The following CNTNAP4 variants were observed in gnomAD, a reference collection of about 807,000 sequenced individuals.
CNTNAP4 encodes the protein contactin associated protein family member 4, also known as contactin-associated protein-like 4.
In CNTNAP4, 98 loss-of-function variants were observed where a neutral mutation model predicts 148.4. That is an observed-to-expected ratio of 0.66 (90% CI 0.56 to 0.78). The LOEUF (loss-of-function observed/expected upper bound fraction) is 0.78. Ranked by LOEUF, CNTNAP4 falls within the 30% of genes least tolerant of loss-of-function variation. The probability of loss-of-function intolerance (pLI) is 0.00; values close to 1 mark genes in which losing one functional copy is unlikely to be tolerated. For missense variants in CNTNAP4, 1,935 were observed against 1,565.6 expected, an observed-to-expected ratio of 1.24 and a Z score of -3.98; for synonymous variants, 730 against 565.1, an observed-to-expected ratio of 1.29 and a Z score of -4.14.
intron 6 of CNTNAP4, 49 bp from the exon 7 acceptor site, chr16:76,449,666 T>C (rs760143846): frequency 1.4e-6 from 2 of 1,481,208 alleles, no homozygotes; most frequent in Non-Finnish European, 9.0e-7. Flanking sequence ...TTAAGCAGAT[T>C]TTTAGAAAAT....
At chr16:76,374,568 G>T (rs920634254) in intron 3 of CNTNAP4, among the ~76,000 whole-genome samples, 1 of 151,768 alleles carries the variant, frequency 6.6e-6, no homozygotes, top group African/African-American at 2.4e-5. Context: ...GAAATAAATT[G>T]GTCTGTCCAG....
chr16:76,293,839 A>ATTTT (rs1959179816), intron 1 of CNTNAP4, among the ~76,000 whole-genome samples: 1 of 148,926 alleles, frequency 6.7e-6, no homozygotes. Flanking sequence ...TTTTTTTAAA[A>ATTTT]AAAAGGATAT....
chr16:76,373,897 C>CAA (rs71382634), intron 3 of CNTNAP4, among the ~76,000 whole-genome samples: 25,492 of 111,738 alleles, frequency 0.23, 3,366 homozygotes, highest in Non-Finnish European at 0.33. Flanking sequence ...CTCCATCTCA[C>CAA]AAAAAAAAAA....
chr16:76,413,710 A>G (rs2078881729), intron 3 of CNTNAP4, among the ~76,000 whole-genome samples: 1 of 151,322 alleles, frequency 6.6e-6, no homozygotes, highest in African/African-American at 2.4e-5. Flanking sequence ...CTATATATTA[A>G]TTTAGGAGTA....
chr16:76,338,914 T>G (rs755877641), intron 2 of CNTNAP4, among the ~76,000 whole-genome samples: 1 of 152,190 alleles, frequency 6.6e-6, no homozygotes, highest in Non-Finnish European at 1.5e-5. Context: ...TGATCTCTGT[T>G]TATAGCCAGC....
chr16:76,539,616 C>G, intron 19 of CNTNAP4, 103 bp from the exon 20 acceptor site: 1 of 973,800 alleles, frequency 1.0e-6, no homozygotes, highest in Non-Finnish European at 1.5e-6. Context: ...CAATTTTTCC[C>G]TCGAAATGAA....
At chr16:76,298,516 G>C in intron 1 of CNTNAP4, among the ~76,000 whole-genome samples, 1 of 150,582 alleles carries the variant, frequency 6.6e-6, no homozygotes, top group East Asian at 2.0e-4. Context: ...GTGTGTGTGT[G>C]TGTGTGTGTG....
At chr16:76,495,817 A>G (rs1253975507) in intron 14 of CNTNAP4, among the ~76,000 whole-genome samples, 1 of 152,040 alleles carries the variant, frequency 6.6e-6, no homozygotes. Context: ...ACAAATATTC[A>G]TAGTCAATCT....
intron 2 of CNTNAP4, among the ~76,000 whole-genome samples, chr16:76,329,082 G>C (rs563176131): frequency 1.7e-4 from 26 of 152,310 alleles, no homozygotes; most frequent in African/African-American, 4.8e-4. Context: ...AGCTTTGTTA[G>C]TACGAAATGC....
In CNTNAP4 at chr16:76,459,085, G is replaced by C. The variant is rs569819867; in HGVS notation, c.1334-2871G>C. 2.0e-5 allele frequency among the ~76,000 whole-genome samples: 3 copies of C among 152,274 alleles called. 1 individual carries two copies. In the East Asian group the frequency reaches 5.8e-4, roughly 29 times the overall value. ...AAGAACTGTTGGACACCAGTGGAAAGTCTAAAATGAAATAAGAGAAGTAGA... is the reference window on the plus strand; with the variant it reads ...AAGAACTGTTGGACACCAGTGGAAACTCTAAAATGAAATAAGAGAAGTAGA... On this transcript the variant is annotated intron_variant, in intron 8 of 23. Coordinates refer to ENST00000611870, the MANE Select transcript of CNTNAP4 (RefSeq NM_033401.5).
At chr16:76,394,850 C>G (rs1203948495) in intron 3 of CNTNAP4, among the ~76,000 whole-genome samples, 1 of 151,986 alleles carries the variant, frequency 6.6e-6, no homozygotes, top group Non-Finnish European at 1.5e-5. Flanking sequence ...GAAAAGTGCT[C>G]AAGTTGAAAT....
intron 15 of CNTNAP4, among the ~76,000 whole-genome samples, chr16:76,499,602 C>A (rs12716816): frequency 0.64 from 95,805 of 149,702 alleles, 30,972 homozygotes; most frequent in Middle Eastern, 0.75. Context: ...GGGTGTTTCT[C>A]GGAGAGGGGG....
intron 8 of CNTNAP4, among the ~76,000 whole-genome samples, chr16:76,456,078 C>T (rs966581009): frequency 6.6e-6 from 1 of 150,480 alleles, no homozygotes; most frequent in African/African-American, 2.4e-5. Flanking sequence ...ATTGCAAACA[C>T]TTCCATCTAC....
At chr16:76,329,971 C>T (rs1963359679) in intron 2 of CNTNAP4, among the ~76,000 whole-genome samples, 2 of 152,180 alleles carry the variant, frequency 1.3e-5, no homozygotes, top group South Asian at 2.1e-4. Flanking sequence ...GCCTGTCCTT[C>T]GCCAGAGCCT....
Position 76,427,495 on chromosome 16 carries a change from G to T in CNTNAP4, c.434G>T (p.Arg145Ile). 6.2e-7 allele frequency: 1 copy of T among 1,613,126 alleles called. No individual in the cohort carries two copies. Among genetic ancestry groups the T allele is most frequent in the Non-Finnish European group, 8.5e-7 (1 of 1,179,428 alleles). ...AATGCAGACAGTGTTGTGTACTATA[G>T]ACTCCAGCCTTCTATCAAAGCCAGA... ...NANADSVVYY[R>I]LQPSIKARFL... The change falls in exon 4 of 24, where the codon AGA becomes ATA. Residue 145 changes from arginine to isoleucine, a missense_variant. Arg to Ile is a moderately conservative substitution (Grantham distance 97, BLOSUM62 -3). Transcript: ENST00000611870.
Position 76,559,136 on chromosome 16 carries a change from G to A in CNTNAP4, c.*453G>A, listed in dbSNP as rs954665383. ...GACCTGGAAATGCTTCTCAGATCCT[G>A]TGTGGCCGGTGTTTGCATCTTCAGT... On this transcript the variant is annotated 3_prime_UTR_variant, in exon 24 of 24. Transcript: ENST00000611870. The A allele has an allele frequency of 1.3e-5, 2 of 152,444 alleles. No homozygotes were observed. Among genetic ancestry groups the A allele is most frequent in the African/African-American group, 4.8e-5 (2 of 41,452 alleles). 9.4% of individuals were successfully genotyped at this position (152,444 alleles called of 1,614,324 possible). A position where few individuals can be genotyped will look rare whatever the true frequency, so the allele number is the denominator to read the frequency against.
At chr16:76,390,961 T>C (rs1218228314) in intron 3 of CNTNAP4, among the ~76,000 whole-genome samples, 3 of 152,164 alleles carry the variant, frequency 2.0e-5, no homozygotes, top group Non-Finnish European at 1.5e-5. Flanking sequence ...AAGCACATCA[T>C]AGAGAATGGG....
intron 21 of CNTNAP4, among the ~76,000 whole-genome samples, chr16:76,550,313 A>C (rs2084908042): frequency 6.6e-6 from 1 of 152,158 alleles, no homozygotes; most frequent in Non-Finnish European, 1.5e-5. Context: ...AAAATACTCA[A>C]ACATCCGGGC....
At chr16:76,476,994 C>G (rs926772047) in intron 11 of CNTNAP4, among the ~76,000 whole-genome samples, 1 of 151,984 alleles carries the variant, frequency 6.6e-6, no homozygotes, top group Admixed American at 6.6e-5. Context: ...ATGTCAGCTA[C>G]TGATCTAGTA....
Sources: allele counts gnomAD v4.1 joint callset (sites outside exome capture counted in the v4.1 genomes callset), GRCh38; gene constraint gnomAD v4.1.1; transcripts MANE v1.5; gene names NCBI Gene and HGNC (gene_info 2026-07-23, HGNC 2026-07-21).